The following MYH14 variants were observed in gnomAD, a reference collection of about 807,000 sequenced individuals.
MYH14 encodes the protein myosin heavy chain 14, also known as myosin-14.
A neutral mutation model predicts 255.5 loss-of-function variants in MYH14; 123 were observed. That is an observed-to-expected ratio of 0.48 (90% CI 0.42 to 0.56). MYH14 has a LOEUF of 0.56. Ranked by LOEUF, MYH14 falls within the 20% of genes least tolerant of loss-of-function variation. The pLI is 0.00. For missense variants in MYH14, 2,423 were observed against 2,802.3 expected, an observed-to-expected ratio of 0.86 and a Z score of 3.06; for synonymous variants, 1,095 against 1,161.2, an observed-to-expected ratio of 0.94 and a Z score of 1.16.
rs750688339 is a variant in MYH14 at position 50,231,957 on chromosome 19, A to G, written c.1001A>G (p.His334Arg). 3 of 1,613,804 alleles carry G rather than the reference A, an allele frequency of 1.9e-6. No individual in the cohort carries two copies. Among genetic ancestry groups the G allele is most frequent in the Non-Finnish European group, 2.5e-6 (3 of 1,179,900 alleles). ...GACCTCCTCCTCGAGCCCTGCTCCC[A>G]CTACCGGTTCCTGACCAACGGGCCG... is the stretch of plus-strand genomic sequence containing the variant. The part of the protein sequence containing the change: ...KADLLLEPCS[H>R]YRFLTNGPSS... The change falls in exon 10 of 43, where the codon CAC becomes CGC. Residue 334 changes from histidine to arginine, a missense_variant. By Grantham distance (29) the His-to-Arg change is conservative. This residue lies in a region of MYH14 where 672 missense variants were observed against 881.8 expected (regional missense o/e 0.76). Transcript: ENST00000642316.
chr19:50,244,066 C>T (rs1248341279), intron 10 of MYH14, among the ~76,000 whole-genome samples, 176 bp from the exon 11 acceptor site: 1 of 151,872 alleles, frequency 6.6e-6, no homozygotes, highest in Non-Finnish European at 1.5e-5. Flanking sequence ...GCCTCGGCCT[C>T]CCAGAGTGCT....
At chr19:50,212,064 G>A (rs1013210086) in intron 2 of MYH14, among the ~76,000 whole-genome samples, 2 of 152,130 alleles carry the variant, frequency 1.3e-5, no homozygotes, top group South Asian at 2.1e-4. Flanking sequence ...GTCTTCCCAC[G>A]TCTGTGCTAA....
At chr19:50,309,538 TATCTCTCTCTCTCTCCCCCTC>T (rs1021414523) in intron 42 of MYH14, 81 bp from the exon 43 acceptor site, 15 of 800,608 alleles carry the variant, frequency 1.9e-5, no homozygotes, top group East Asian at 1.4e-4. Context: ...TCTCTCTTCC[TATCTCTCTCTCTCTCCCCCTC>T]ATCTCTCTCT....
At chr19:50,246,826 GA>G (rs916093022) in intron 11 of MYH14, among the ~76,000 whole-genome samples, 177 bp from the exon 12 acceptor site, 16 of 151,938 alleles carry the variant, frequency 1.1e-4, no homozygotes, top group African/African-American at 3.4e-4. Flanking sequence ...CTGGTTCCTG[GA>G]AAAAAAATAG....
At position 50,247,039 on chromosome 19, in the gene MYH14, G is replaced by T; in HGVS notation, c.1246G>T (p.Val416Leu). ...GCTCTGCCGCCTCTTGGGACTGGGG[G>T]TGACGGATTTCTCCCGAGCCTTGCT... ...QKLCRLLGLG[V>L]TDFSRALLTP... The change falls in exon 12 of 43, where the codon GTG becomes TTG. Residue 416 changes from valine (V) to leucine (L), a missense_variant. Physicochemically the swap from Val to Leu is conservative, Grantham distance 32. Coordinates refer to ENST00000642316, the MANE Select transcript of MYH14 (RefSeq NM_001145809.2). 3.1e-6 allele frequency: 5 copies of T among 1,613,036 alleles called. No individual in the cohort carries two copies. The South Asian group carries it at 5.5e-5, about 18-fold the overall frequency.
intron 16 of MYH14, among the ~76,000 whole-genome samples, chr19:50,253,811 G>A (rs955385013): frequency 5.9e-5 from 9 of 152,178 alleles, no homozygotes; most frequent in African/African-American, 2.2e-4. Context: ...TGGCAGAACT[G>A]GCATCCTGTT....
chr19:50,279,960 G>C, intron 30 of MYH14, 77 bp from the exon 31 acceptor site: 3 of 996,156 alleles, frequency 3.0e-6, no homozygotes, highest in Non-Finnish European at 4.7e-6. Context: ...CTGCCAGTGT[G>C]GTAGAGAGTT....
At chr19:50,295,517 G>A (rs1354943926) in intron 39 of MYH14, among the ~76,000 whole-genome samples, 2 of 151,834 alleles carry the variant, frequency 1.3e-5, no homozygotes, top group African/African-American at 2.4e-5. Flanking sequence ...AAGAAATTAC[G>A]TTTAGTGGGG....
At chr19:50,263,216 A>C in intron 21 of MYH14, 96 bp from the exon 22 acceptor site, 1 of 844,488 alleles carries the variant, frequency 1.2e-6, no homozygotes, top group Non-Finnish European at 1.7e-6. Context: ...CAAACAAACA[A>C]ACAAAGAAAA....
rs745875824 is a variant in MYH14 at position 50,226,915 on chromosome 19, C to T, written c.823C>T (p.Arg275Cys). Reference protein sequence around the residue: ...DNSSRFGKFIRINFDVAGYIV... With the variant: ...DNSSRFGKFICINFDVAGYIV... ...TGGTCTCTCCCAGGGCAAATTCATCCGCATCAACTTTGATGTTGCCGGGTA... is the reference window on the plus strand; with the variant it reads ...TGGTCTCTCCCAGGGCAAATTCATCTGCATCAACTTTGATGTTGCCGGGTA... Residue 275 changes from arginine (R) to cysteine (C), a missense_variant, in exon 8 of 43, where the codon CGC (arginine) becomes TGC (cysteine). Transcript: ENST00000642316. 4.3e-6 allele frequency: 7 copies of T among 1,613,774 alleles called. No homozygotes were observed. The highest frequency in any genetic ancestry group is 1.1e-5 in the South Asian group (1 of 91,078).
At chr19:50,253,751 C>T (rs2034487953) in intron 16 of MYH14, among the ~76,000 whole-genome samples, 1 of 152,108 alleles carries the variant, frequency 6.6e-6, no homozygotes, top group African/African-American at 2.4e-5. Context: ...TCTGCCACTG[C>T]CCCTGCCCCC....
At chr19:50,231,066 C>G (rs2033360862) in intron 9 of MYH14, 1 of 191,840 alleles carries the variant, frequency 5.2e-6, no homozygotes, top group South Asian at 9.6e-5. Context: ...GGCCACGGCT[C>G]TTGCCGGAGT....
chr19:50,279,152 C>T (rs966489604), intron 30 of MYH14, among the ~76,000 whole-genome samples: 3 of 152,058 alleles, frequency 2.0e-5, no homozygotes, highest in African/African-American at 4.8e-5. Flanking sequence ...ACTTCTCCCC[C>T]ACCCCACCCA....
chr19:50,306,167 G>T (rs1051679387), intron 40 of MYH14, among the ~76,000 whole-genome samples: 7 of 152,014 alleles, frequency 4.6e-5, no homozygotes, highest in Non-Finnish European at 8.8e-5. Context: ...AATCCCAGCT[G>T]CTCGGGAGGC....
At chr19:50,228,686 C>T (rs560612510) in intron 8 of MYH14, among the ~76,000 whole-genome samples, 11 of 152,204 alleles carry the variant, frequency 7.2e-5, no homozygotes, top group Non-Finnish European at 1.5e-4. Flanking sequence ...GCTCTTCCTG[C>T]CAAACTGTCC....
intron 3 of MYH14, 101 bp downstream of exon 3, chr19:50,217,872 A>C: frequency 7.0e-7 from 1 of 1,433,800 alleles, no homozygotes; most frequent in South Asian, 1.3e-5. Flanking sequence ...GACAGCTTGT[A>C]GACTTGACTC....
chr19:50,278,124 C>T lies in MYH14; in HGVS notation c.3867C>T (p.Ala1289=), dbSNP rs772679701. The change falls in exon 30 of 43, where the codon GCC becomes GCT. Residue 1289 remains alanine (A), a synonymous_variant. Transcript: ENST00000642316. ...AWEKTRLALE[A]EVSELRAELS... ...AGAAGACCCGGCTGGCCCTGGAGGC[C>T]GAGGTGTCCGAGCTGCGGGCAGAAC... 16 of 1,600,774 alleles carry T rather than the reference C, an allele frequency of 1.0e-5. No individual in the cohort carries two copies. The highest frequency in any genetic ancestry group is 3.3e-4 in the Middle Eastern group (2 of 6,046).
intron 17 of MYH14, among the ~76,000 whole-genome samples, chr19:50,255,969 TG>T (rs1370247709): frequency 6.6e-6 from 1 of 151,300 alleles, no homozygotes; most frequent in African/African-American, 2.4e-5. Flanking sequence ...CTGAGGAACC[TG>T]GCATGATTCA....
At chr19:50,278,627 C>T (rs2035598877) in intron 30 of MYH14, among the ~76,000 whole-genome samples, 1 of 152,012 alleles carries the variant, frequency 6.6e-6, no homozygotes, top group Non-Finnish European at 1.5e-5. Context: ...TCCCTTGAGC[C>T]TGGGAGGTCG....
Sources: allele counts gnomAD v4.1 joint callset (sites outside exome capture counted in the v4.1 genomes callset), GRCh38; gene constraint gnomAD v4.1.1; regional missense constraint gnomAD v4.1.1; transcripts MANE v1.5; gene names NCBI Gene and HGNC (gene_info 2026-07-23, HGNC 2026-07-21).